TAFA2: variants seen among roughly 807,000 people sequenced by gnomAD.
TAFA2 encodes chemokine-like protein TAFA-2.
In TAFA2, 7 loss-of-function variants were observed where a neutral mutation model predicts 18.8. The ratio of observed to expected loss-of-function variants is 0.37; its 90% CI spans 0.21 to 0.70. The LOEUF is 0.70. Ranked by LOEUF, TAFA2 falls within the 30% of genes least tolerant of loss-of-function variation. The pLI, the probability that TAFA2 is intolerant of heterozygous loss-of-function variation, is 0.53. For synonymous variants in TAFA2, 60 were observed against 54.2 expected (o/e 1.11, Z -0.47); for missense variants, 122 against 158.1 (o/e 0.77, Z 1.23).
chr12:61,765,742 C>G (rs1869761622), intron 2 of TAFA2, among the ~76,000 whole-genome samples: 1 of 151,986 alleles, frequency 6.6e-6, no homozygotes, highest in South Asian at 2.1e-4. Flanking sequence ...GTAATAACAT[C>G]TAAACCAGAC....
At chr12:61,954,007 G>A (rs1592510649) in intron 1 of TAFA2, among the ~76,000 whole-genome samples, 1 of 152,252 alleles carries the variant, frequency 6.6e-6, no homozygotes, top group East Asian at 1.9e-4. Context: ...ACGTACAAGT[G>A]CAGTTTTGTT....
chr12:62,127,179 A>C (rs1480086450), intron 1 of TAFA2, among the ~76,000 whole-genome samples: 1 of 152,036 alleles, frequency 6.6e-6, no homozygotes, highest in Non-Finnish European at 1.5e-5. Flanking sequence ...AAGGTATGCT[A>C]TCAGTTACAA....
At chr12:61,900,084 A>G (rs1178625942) in intron 1 of TAFA2, among the ~76,000 whole-genome samples, 2 of 152,206 alleles carry the variant, frequency 1.3e-5, no homozygotes, top group Non-Finnish European at 2.9e-5. Context: ...TGAATATAAC[A>G]AAGTATACAC....
At chr12:61,932,484 GGCTGGAGTGCAGTGGT>G (rs1877598353) in intron 1 of TAFA2, among the ~76,000 whole-genome samples, 1 of 152,292 alleles carries the variant, frequency 6.6e-6, no homozygotes, top group South Asian at 2.1e-4. Flanking sequence ...GTTTCATCCA[GGCTGGAGTGCAGTGGT>G]GCTATCTCAG....
chr12:62,244,942 TACTC>T (rs1405950484), intron 1 of TAFA2, among the ~76,000 whole-genome samples: 2 of 152,158 alleles, frequency 1.3e-5, no homozygotes, highest in Admixed American at 6.5e-5. Context: ...TTGTCAGTAA[TACTC>T]ACTTCAAATA....
At chr12:62,131,135 T>C (rs1387842703) in intron 1 of TAFA2, among the ~76,000 whole-genome samples, 2 of 151,824 alleles carry the variant, frequency 1.3e-5, no homozygotes, top group Non-Finnish European at 2.9e-5. Flanking sequence ...TATGAAGCAA[T>C]GCAAAAACAT....
At chr12:62,250,814 T>C (rs1449361500) in intron 1 of TAFA2, among the ~76,000 whole-genome samples, 5 of 152,146 alleles carry the variant, frequency 3.3e-5, no homozygotes, top group Non-Finnish European at 2.9e-5. Flanking sequence ...TTAATTGAGG[T>C]CTTGCATAGT....
chr12:62,022,201 G>C, intron 1 of TAFA2: 1 of 320,032 alleles, frequency 3.1e-6, no homozygotes, highest in East Asian at 6.6e-5. Context: ...AACTGGATTA[G>C]ATAAAATTTA....
intron 1 of TAFA2, among the ~76,000 whole-genome samples, chr12:62,072,599 G>A (rs1235221536): frequency 6.6e-6 from 1 of 151,896 alleles, no homozygotes; most frequent in Non-Finnish European, 1.5e-5. Context: ...TGGGCAACAT[G>A]GCAAAATCCC....
intron 1 of TAFA2, chr12:62,234,983 A>G: frequency 1.5e-6 from 1 of 673,078 alleles, no homozygotes; most frequent in South Asian, 1.4e-5. Flanking sequence ...ATGTTTCATC[A>G]GAAGGTACTG....
rs140348770 is a variant in TAFA2, at chr12:61,886,372, C to G, written c.-1-18946G>C. Among the ~76,000 whole-genome samples, 46 of 152,254 alleles carry G rather than the reference C, an allele frequency of 3.0e-4. 2 individuals are homozygous for G. The East Asian group carries it at 5.6e-3, about 19-fold the overall frequency. ...CTCACTTTGTTCTCGCTACCACCCC[C>G]CTGCCCCCACTGCCACTGCCCCATG... On this transcript the variant is annotated intron_variant, in intron 1 of 4. Transcript: ENST00000416284.
chr12:61,910,082 TTG>T (rs373487943), intron 1 of TAFA2, among the ~76,000 whole-genome samples: 2 of 130,374 alleles, frequency 1.5e-5, no homozygotes, highest in Non-Finnish European at 3.2e-5. Flanking sequence ...GTGTGCGTGC[TTG>T]TGTGTGTGTG....
At chr12:62,243,246 A>C (rs1259391093) in intron 1 of TAFA2, among the ~76,000 whole-genome samples, 1 of 152,180 alleles carries the variant, frequency 6.6e-6, no homozygotes, top group Non-Finnish European at 1.5e-5. Flanking sequence ...TCCACTTACT[A>C]ACCTTACTGA....
intron 1 of TAFA2, among the ~76,000 whole-genome samples, chr12:62,236,277 T>A (rs1157075292): frequency 6.9e-6 from 1 of 144,332 alleles, no homozygotes; most frequent in African/African-American, 2.5e-5. Flanking sequence ...TTTTTCTTTT[T>A]TTTTTTTGAG....
intron 2 of TAFA2, among the ~76,000 whole-genome samples, chr12:61,839,344 T>A (rs955798318): frequency 1.4e-4 from 21 of 151,780 alleles, no homozygotes; most frequent in Non-Finnish European, 5.9e-5. Flanking sequence ...ATTTGGAGAG[T>A]TCTCCAAGAA....
intron 1 of TAFA2, among the ~76,000 whole-genome samples, chr12:61,972,435 C>T (rs1469395121): frequency 2.6e-5 from 4 of 151,578 alleles, no homozygotes; most frequent in Non-Finnish European, 5.9e-5. Flanking sequence ...TAACTTCACT[C>T]TCTTGACCTT....
chr12:61,749,548 T>C (rs575376537), intron 4 of TAFA2, among the ~76,000 whole-genome samples: 1 of 152,272 alleles, frequency 6.6e-6, no homozygotes, highest in East Asian at 1.9e-4. Flanking sequence ...ATTCTTAATA[T>C]ATTTTGATTT....
At chr12:62,089,029 GA>G (rs1868593555) in intron 1 of TAFA2, among the ~76,000 whole-genome samples, 1 of 151,932 alleles carries the variant, frequency 6.6e-6, no homozygotes, top group Non-Finnish European at 1.5e-5. Context: ...TAGCAGCAAT[GA>G]AAAAAATCCT....
intron 1 of TAFA2, among the ~76,000 whole-genome samples, chr12:62,007,414 G>C (rs1387244774): frequency 2.6e-5 from 4 of 152,202 alleles, no homozygotes. Context: ...GAGGAAGCAA[G>C]CTTTGTGAAG....
Sources: allele counts gnomAD v4.1 joint callset (sites outside exome capture counted in the v4.1 genomes callset), GRCh38; gene constraint gnomAD v4.1.1; transcripts MANE v1.5; gene names NCBI Gene and HGNC (gene_info 2026-07-23, HGNC 2026-07-21).